GLI3: variants seen among roughly 807,000 people sequenced by gnomAD.
The protein encoded by GLI3 is GLI family zinc finger 3.
GLI3 carries 20 observed loss-of-function variants against 100.8 expected under a neutral mutation model. That is an observed-to-expected ratio of 0.20 (90% CI 0.14 to 0.29). The LOEUF (loss-of-function observed/expected upper bound fraction) is 0.29, where lower values mean the gene tolerates loss of function less well. Among genes scored for constraint, GLI3 ranks in the 10% least tolerant of loss-of-function variants. The pLI, the probability that GLI3 is intolerant of heterozygous loss-of-function variation, is 1.00. For synonymous variants in GLI3, 938 were observed against 860.5 expected (o/e 1.09, Z -1.58); for missense variants, 2,040 against 2,128.5 (o/e 0.96, Z 0.82).
chr7:41,978,395 C>T (rs1014381228), intron 11 of GLI3, among the ~76,000 whole-genome samples: 33 of 152,222 alleles, frequency 2.2e-4, no homozygotes, highest in African/African-American at 6.3e-4. Context: ...CAGTGCCAGC[C>T]ACCACTGCCC....
intron 4 of GLI3, among the ~76,000 whole-genome samples, chr7:42,060,869 T>A (rs1194639721): frequency 6.6e-6 from 1 of 152,224 alleles, no homozygotes; most frequent in East Asian, 1.9e-4. Context: ...TTATCCATCA[T>A]GATTTCCTTT....
At chr7:42,062,661 C>A (rs935228401) in intron 4 of GLI3, among the ~76,000 whole-genome samples, 1 of 151,846 alleles carries the variant, frequency 6.6e-6, no homozygotes, top group African/African-American at 2.4e-5. Context: ...TCTTTCAAAT[C>A]CTGAAATTGC....
chr7:42,000,257 C>T (rs1168591577), intron 10 of GLI3, among the ~76,000 whole-genome samples: 6 of 152,086 alleles, frequency 3.9e-5, no homozygotes, highest in Admixed American at 3.9e-4. Flanking sequence ...TAGGCAGATC[C>T]AGGACAAAAG....
At chr7:42,148,514 A>T in intron 2 of GLI3, 46 bp from the exon 3 acceptor site, 1 of 1,569,862 alleles carries the variant, frequency 6.4e-7, no homozygotes, top group South Asian at 1.1e-5. Context: ...TACTTTAAGG[A>T]GCAATTAAAA....
chr7:42,183,420 G>A (rs1402709517), intron 2 of GLI3, among the ~76,000 whole-genome samples: 1 of 152,128 alleles, frequency 6.6e-6, no homozygotes, highest in African/African-American at 2.4e-5. Context: ...GGGCAAATCA[G>A]GAAGGGGCCT....
At chr7:42,206,272 A>G (rs1427228041) in intron 2 of GLI3, among the ~76,000 whole-genome samples, 1 of 150,840 alleles carries the variant, frequency 6.6e-6, no homozygotes, top group Non-Finnish European at 1.5e-5. Flanking sequence ...CATCTAAAAA[A>G]TAATAATAAT....
Position 41,965,656 on chromosome 7 carries a change from A to G in GLI3, c.3417T>C (p.Ala1139=). Reference sequence around the variant, plus strand: ...GCTCGAGGGCATGGAACTGCTGGCCAGCGTGGCTGTCTGGCAGCCCGGGCG... The same window carrying G: ...GCTCGAGGGCATGGAACTGCTGGCCGGCGTGGCTGTCTGGCAGCCCGGGCG... ...FDAPGLPDSH[A]GQQFHALEQP... Residue 1139 remains alanine (A), a synonymous_variant, in exon 15 of 15, where the codon GCT becomes GCC. Transcript: ENST00000395925. 1 of 1,612,586 alleles carries G rather than the reference A, an allele frequency of 6.2e-7. No individual in the cohort carries two copies.
chr7:42,097,218 A>C (rs1785359286), intron 3 of GLI3, among the ~76,000 whole-genome samples: 1 of 152,204 alleles, frequency 6.6e-6, no homozygotes, highest in South Asian at 2.1e-4. Context: ...ACAGCTGGAG[A>C]AAATGTTTGA....
chr7:41,972,490 C>T lies in GLI3; in HGVS notation c.1950G>A (p.Pro650=), dbSNP rs376865755. Residue 650 remains proline (P), a synonymous_variant, in exon 13 of 15, where the codon CCG becomes CCA. Coordinates refer to ENST00000395925, the MANE Select transcript of GLI3 (RefSeq NM_000168.6). This position sits in a 1 kb window ranked among gnomAD's most constrained non-coding sequence, Gnocchi z 4.4. Reference sequence around the variant, plus strand: ...GGCTGCCGGAATCTCTCGGGGGTGGCGGCCGAGGATGGATGTCCCCTCGCT... The same window carrying T: ...GGCTGCCGGAATCTCTCGGGGGTGGTGGCCGAGGATGGATGTCCCCTCGCT... The part of the protein sequence containing the change: ...KKQRGDIHPR[P]PPPRDSGSHS... 30 of 1,613,376 alleles carry T rather than the reference C, an allele frequency of 1.9e-5. No individual in the cohort carries two copies. Among genetic ancestry groups the T allele is most frequent in the East Asian group, 1.1e-4 (5 of 44,862 alleles).
chr7:42,156,265 T>A (rs577779554), intron 2 of GLI3, among the ~76,000 whole-genome samples: 1 of 152,338 alleles, frequency 6.6e-6, no homozygotes, highest in Non-Finnish European at 1.5e-5. Context: ...GAATTAAGAA[T>A]TCTAAAACAA....
intron 3 of GLI3, among the ~76,000 whole-genome samples, chr7:42,119,609 G>C (rs941990315): frequency 3.9e-5 from 6 of 152,162 alleles, no homozygotes; most frequent in East Asian, 1.9e-4. Context: ...AGAACAGATA[G>C]AGAACTGACA....
At chr7:42,231,124 G>A (rs1788688466) in intron 1 of GLI3, among the ~76,000 whole-genome samples, 1 of 152,144 alleles carries the variant, frequency 6.6e-6, no homozygotes, top group African/African-American at 2.4e-5. Context: ...TTTACAGTAA[G>A]GCTTAAGGGA....
At chr7:42,245,791 T>A (rs1383309895) in intron 1 of GLI3, among the ~76,000 whole-genome samples, 1 of 152,000 alleles carries the variant, frequency 6.6e-6, no homozygotes, top group Non-Finnish European at 1.5e-5. Flanking sequence ...GCAATCAACT[T>A]GATTTCATCA....
In GLI3 at chr7:41,967,696, G is replaced by A. The variant is rs1057524835; in HGVS notation, c.2331C>T (p.His777=). Reference sequence around the variant, plus strand: ...CTTGTTTTAGCCTTTCTAGTTTTACGTGCTCCATCCATTTGGTCCCTGCCG... The same window carrying A: ...CTTGTTTTAGCCTTTCTAGTTTTACATGCTCCATCCATTTGGTCCCTGCCG... The part of the protein sequence containing the change: ...RNPAGTKWME[H]VKLERLKQVN... The change falls in exon 14 of 15, where the codon CAC becomes CAT. Residue 777 remains histidine, a synonymous_variant. Transcript: ENST00000395925. The A allele has an allele frequency of 5.0e-6, 8 of 1,614,114 alleles. No homozygotes were observed. Among genetic ancestry groups the A allele is most frequent in the African/African-American group, 2.7e-5 (2 of 75,010 alleles).
In GLI3 at chr7:42,158,535, G is replaced by T. The variant is rs542440485; in HGVS notation, c.125-10067C>A. Among the ~76,000 whole-genome samples the T allele has an allele frequency of 2.0e-5, 3 of 151,842 alleles. No individual in the cohort carries two copies. The East Asian group carries it at 5.8e-4, about 29-fold the overall frequency. Reference sequence around the variant, plus strand: ...ATGGACTTTCACTCTTGTTGCCCAGGCTGGAGGTCAAAGGCACAATCTTAG... The same window carrying T: ...ATGGACTTTCACTCTTGTTGCCCAGTCTGGAGGTCAAAGGCACAATCTTAG... On this transcript the variant is annotated intron_variant, in intron 2 of 14. Transcript: ENST00000395925.
intron 1 of GLI3, among the ~76,000 whole-genome samples, chr7:42,228,068 G>A (rs925390253): frequency 1.3e-5 from 2 of 152,176 alleles, no homozygotes; most frequent in Non-Finnish European, 1.5e-5. Context: ...CCTGCCCGAG[G>A]TCCCAGGCCG....
At chr7:41,990,865 AGTGTGTGT>A (rs57245025) in intron 10 of GLI3, among the ~76,000 whole-genome samples, 3,720 of 142,820 alleles carry the variant, frequency 0.026, 59 homozygotes, top group Middle Eastern at 0.044. Context: ...GATTAAGGCA[AGTGTGTGT>A]GTGTGTGTGT....
At chr7:41,971,333 C>T (rs1787359117) in intron 13 of GLI3, among the ~76,000 whole-genome samples, 1 of 152,192 alleles carries the variant, frequency 6.6e-6, no homozygotes, top group African/African-American at 2.4e-5. Context: ...TGGTACACTT[C>T]CTTCACAGGT....
In GLI3 at chr7:42,086,247, C is replaced by T. The variant is rs540948344; in HGVS notation, c.368-9390G>A. Among the ~76,000 whole-genome samples the T allele has an allele frequency of 5.1e-4, 78 of 152,272 alleles. No individual in the cohort carries two copies. In the Middle Eastern group the frequency reaches 0.01, roughly 20 times the overall value. On this transcript the variant is annotated intron_variant, in intron 3 of 14. Transcript: ENST00000395925. ...CCCTGAGAAGCAGGTACTATTCATA[C>T]GCCCATTCTTATGGATGGGGAAACT... is the stretch of plus-strand genomic sequence containing the variant.
Sources: gnomAD v4.1 joint callset for allele counts (sites outside exome capture counted in the v4.1 genomes callset) on GRCh38, gnomAD v4.1.1 for gene constraint, Gnocchi (gnomAD v3.1) non-coding constraint, MANE v1.5 for transcripts, NCBI Gene and HGNC (gene_info 2026-07-23, HGNC 2026-07-21) for gene names.